PNPLA6: variants seen among roughly 807,000 people sequenced by gnomAD.
PNPLA6 encodes patatin like domain 6, lysophospholipase.
A neutral mutation model predicts 153.7 loss-of-function variants in PNPLA6; 105 were observed. The observed-to-expected ratio is 0.68, with a 90% CI of 0.58 to 0.80. The LOEUF is 0.80. Among genes scored for constraint, PNPLA6 ranks in the 30% least tolerant of loss-of-function variants. The pLI, the probability that PNPLA6 is intolerant of heterozygous loss-of-function variation, is 0.00. For missense variants in PNPLA6, 1,423 were observed against 1,919.3 expected (o/e 0.74, Z 4.83); for synonymous variants, 825 against 822.2 (o/e 1.00, Z -0.06).
At chr19:7,550,827 T>C in intron 16 of PNPLA6, 167 bp from the exon 17 acceptor site, 6 of 919,688 alleles carry the variant, frequency 6.5e-6, no homozygotes, top group Non-Finnish European at 1.0e-5. Flanking sequence ...CGTGGATCCC[T>C]GTCCTCTCCC....
rs971205853 is a variant in PNPLA6, at chr19:7,555,860, G to T, written c.3093+97G>T. 1.8e-4 allele frequency: 228 copies of T among 1,291,978 alleles called. No homozygotes were observed. The highest frequency in any genetic ancestry group is 2.4e-4 in the Non-Finnish European group (217 of 905,428). 80.0% of individuals were successfully genotyped at this position (1,291,978 alleles called of 1,614,324 possible). ...CCCATGGGGGAGCCTCCGGGGTCAGGGTGACCCTTCCTGATTAAATCTATG... is the reference window on the plus strand; with the variant it reads ...CCCATGGGGGAGCCTCCGGGGTCAGTGTGACCCTTCCTGATTAAATCTATG... On this transcript the variant is annotated intron_variant, in intron 24 of 31. Transcript: ENST00000600737. This position sits in a 1 kb window ranked among gnomAD's most constrained non-coding sequence, Gnocchi z 6.3.
Position 7,555,358 on chromosome 19 carries a change from G to A in PNPLA6, c.2927G>A (p.Gly976Asp). The A allele has an allele frequency of 1.9e-6, 3 of 1,550,746 alleles. No individual in the cohort carries two copies. Among genetic ancestry groups the A allele is most frequent in the Non-Finnish European group, 2.6e-6 (3 of 1,145,894 alleles). ...GNTIALVLGGGGARGCSHIGV... is the reference protein window; with the variant it reads ...GNTIALVLGGDGARGCSHIGV... The stretch of plus-strand genomic sequence containing the variant: ...ACCATTGCCCTTGTGCTAGGCGGGG[G>A]CGGGGCCAGGTGAGGGCGGGGCTTG... Residue 976 changes from glycine (G) to aspartate (D), a missense_variant, in exon 23 of 32, where the codon GGC becomes GAC. By Grantham distance (94) the Gly-to-Asp change is moderately conservative (BLOSUM62 -1). Transcript: ENST00000600737. This position sits in a 1 kb window ranked among gnomAD's most constrained non-coding sequence, Gnocchi z 6.3.
In PNPLA6 at chr19:7,555,451, T is replaced by C. The variant is rs539743966; in HGVS notation, c.2936+84T>C. ...TGGGAGAAACCGTGGGGGCGGGGCC[T>C]GGGTGTTCGAGGGTGGAGCTTCCCC... On this transcript the variant is annotated intron_variant, in intron 23 of 31. Transcript: ENST00000600737. This position sits in a 1 kb window ranked among gnomAD's most constrained non-coding sequence, Gnocchi z 6.3. 13 of 1,334,146 alleles carry C rather than the reference T, an allele frequency of 9.7e-6. No homozygotes were observed. Among genetic ancestry groups the C allele is most frequent in the African/African-American group, 1.4e-5 (1 of 68,976 alleles). The allele number at this position is 1,334,146 out of a possible 1,614,324, so 82.6% of individuals were successfully genotyped here.
intron 13 of PNPLA6, among the ~76,000 whole-genome samples, chr19:7,545,816 G>T (rs2023362823): frequency 6.6e-6 from 1 of 150,896 alleles, no homozygotes; most frequent in Non-Finnish European, 1.5e-5. Flanking sequence ...GGAGCCTGAG[G>T]CAGGAGAATC....
At chr19:7,537,597 C>T (rs887107644) in intron 3 of PNPLA6, among the ~76,000 whole-genome samples, 1 of 152,152 alleles carries the variant, frequency 6.6e-6, no homozygotes, top group Non-Finnish European at 1.5e-5. Context: ...GGGCAGGGCT[C>T]TCCATGATCA....
intron 17 of PNPLA6, 40 bp downstream of exon 17, chr19:7,551,147 G>T (rs1039578632): frequency 6.9e-6 from 6 of 865,164 alleles, no homozygotes. Flanking sequence ...GCGGAGGCGG[G>T]ACTCCGGGGG....
In PNPLA6 at chr19:7,541,343, G is replaced by A; in HGVS notation, c.925-11G>A. On this transcript the variant is annotated splice_polypyrimidine_tract_variant and intron_variant, in intron 7 of 31. Coordinates refer to ENST00000600737, the MANE Select transcript of PNPLA6 (RefSeq NM_001166114.2). This position sits in a 1 kb window ranked among gnomAD's most constrained non-coding sequence, Gnocchi z 5.2. ...GCCCCATCTTATGGCCACGCCCCTC[G>A]AGCCCTGCAGATCATCATGGTGCGG... The A allele has an allele frequency of 1.9e-6, 3 of 1,612,538 alleles. No homozygotes were observed. Among genetic ancestry groups the A allele is most frequent in the Non-Finnish European group, 2.5e-6 (3 of 1,179,144 alleles).
rs2023156303 is a variant in PNPLA6, at chr19:7,541,790, C to T, written c.1168+106C>T. ...ATAGAGTCAACCTGACCTTGTCCAG[C>T]CCCACAGGGACTCCATAGCGGGGTA... On this transcript the variant is annotated intron_variant, in intron 9 of 31. Transcript: ENST00000600737. This position sits in a 1 kb window ranked among gnomAD's most constrained non-coding sequence, Gnocchi z 5.2. The T allele has an allele frequency of 6.9e-6, 9 of 1,307,564 alleles. No individual in the cohort carries two copies. The highest frequency in any genetic ancestry group is 7.5e-6 in the Non-Finnish European group (7 of 938,926). 81.0% of individuals were successfully genotyped at this position (1,307,564 alleles called of 1,614,324 possible). A position where few individuals can be genotyped will look rare whatever the true frequency, so the allele number is the denominator to read the frequency against.
At chr19:7,557,818 C>T (rs2023951470) in intron 27 of PNPLA6, among the ~76,000 whole-genome samples, 1 of 151,080 alleles carries the variant, frequency 6.6e-6, no homozygotes, top group Non-Finnish European at 1.5e-5. Flanking sequence ...AAATCTACAT[C>T]TACCTGCTGG....
chr19:7,545,055 C>T (rs1468664997), intron 13 of PNPLA6, among the ~76,000 whole-genome samples: 12 of 151,344 alleles, frequency 7.9e-5, no homozygotes, highest in African/African-American at 1.9e-4. Context: ...GAGACGGAGT[C>T]TTGCTCTGTC....
At chr19:7,539,889 C>A (rs2023048336) in intron 3 of PNPLA6, 29 bp from the exon 4 acceptor site, 1 of 1,439,416 alleles carries the variant, frequency 6.9e-7, no homozygotes, top group Non-Finnish European at 9.4e-7. Context: ...GTGCCCCCCT[C>A]ACCCCCGGCA....
intron 13 of PNPLA6, among the ~76,000 whole-genome samples, chr19:7,549,353 A>T (rs2023539458): frequency 6.6e-6 from 1 of 150,380 alleles, no homozygotes; most frequent in Non-Finnish European, 1.5e-5. Flanking sequence ...CACCCGGCTA[A>T]TTTTTTGTAT....
At chr19:7,550,926 C>T in intron 16 of PNPLA6, 68 bp from the exon 17 acceptor site, 1 of 1,225,016 alleles carries the variant, frequency 8.2e-7, no homozygotes, top group Non-Finnish European at 1.2e-6. Flanking sequence ...GTACAGCCCC[C>T]TTTCCACCCA....
In PNPLA6 at chr19:7,540,968, G is replaced by T. The variant is rs1200437017; in HGVS notation, c.841G>T (p.Asp281Tyr). The T allele has an allele frequency of 6.2e-7, 1 of 1,611,728 alleles. No individual in the cohort carries two copies. The highest frequency in any genetic ancestry group is 8.5e-7 in the Non-Finnish European group (1 of 1,179,586). Residue 281 changes from aspartate (D) to tyrosine (Y), a missense_variant, in exon 7 of 32, where the codon GAC (aspartate) becomes TAC (tyrosine). Asp to Tyr is a radical substitution (Grantham distance 160). Around this residue, in one of 10 missense-constraint regions of PNPLA6, gnomAD observed 118 missense variants for 158.8 expected, o/e 0.74. Coordinates refer to ENST00000600737, the MANE Select transcript of PNPLA6 (RefSeq NM_001166114.2). The surrounding 1 kb of genome is among the most constrained non-coding windows in gnomAD (Gnocchi z 6.8). ...GACCGTGTCTGCCCGGGCGGCCCGG[G>T]ACTCCACGGTGCTGCGCCTGCCGGT... ...QRTVSARAAR[D>Y]STVLRLPVEA...
At chr19:7,535,609 C>G (rs746641747), upstream of PNPLA6, 4 of 1,593,096 alleles carry the variant, frequency 2.5e-6, no homozygotes, top group East Asian at 2.3e-5. The surrounding 1 kb of genome is among the most constrained non-coding windows in gnomAD (Gnocchi z 5.0). Flanking sequence ...GGGTAGGTGC[C>G]GGCGTGGGGC....
chr19:7,560,974 G>A, intron 29 of PNPLA6, 40 bp from the exon 30 acceptor site: 1 of 1,388,078 alleles, frequency 7.2e-7, no homozygotes, highest in East Asian at 2.5e-5. Context: ...CCAAGACTCT[G>A]TGGGCCCCCC....
chr19:7,561,196 C>G lies in PNPLA6; in HGVS notation c.3914-12C>G, dbSNP rs773889167. On this transcript the variant is annotated splice_polypyrimidine_tract_variant and intron_variant, in intron 30 of 31. Transcript: ENST00000600737. ...CCAATCCCCTCACCTGTGCCCTGCTCCCCGATTCCAGGAGAGGAGTCAGAT... is the reference window on the plus strand; with the variant it reads ...CCAATCCCCTCACCTGTGCCCTGCTGCCCGATTCCAGGAGAGGAGTCAGAT... 3 of 1,601,276 alleles carry G rather than the reference C, an allele frequency of 1.9e-6. No individual in the cohort carries two copies. The Admixed American group carries it at 5.2e-5, about 28-fold the overall frequency.
chr19:7,560,417 A>G (rs1157618047), intron 28 of PNPLA6, among the ~76,000 whole-genome samples: 1 of 152,156 alleles, frequency 6.6e-6, no homozygotes, highest in African/African-American at 2.4e-5. Context: ...AGCACCCTGC[A>G]TGGGGCTGTG....
intron 17 of PNPLA6, 38 bp from the exon 18 acceptor site, chr19:7,551,324 C>T (rs2023641198): frequency 1.9e-6 from 3 of 1,600,764 alleles, no homozygotes; most frequent in African/African-American, 1.3e-5. Flanking sequence ...CAGCCGCTTC[C>T]CAGGTCTCAC....
Sources: gnomAD v4.1 joint callset for allele counts (sites outside exome capture counted in the v4.1 genomes callset) on GRCh38, gnomAD v4.1.1 for gene constraint, gnomAD v4.1.1 regional missense constraint, Gnocchi (gnomAD v3.1) non-coding constraint, MANE v1.5 for transcripts, NCBI Gene and HGNC (gene_info 2026-07-23, HGNC 2026-07-21) for gene names.